The following VAV1 variants were observed in gnomAD, a reference collection of about 807,000 sequenced individuals.
VAV1 encodes proto-oncogene vav.
In VAV1, 33 loss-of-function variants were observed where a neutral mutation model predicts 128.1. The observed-to-expected ratio is 0.26, with a 90% CI of 0.20 to 0.34. VAV1 has a LOEUF of 0.34. Among genes scored for constraint, VAV1 ranks in the 10% least tolerant of loss-of-function variants. VAV1 has a pLI of 1.00. For synonymous variants in VAV1, 394 were observed against 409.8 expected, an observed-to-expected ratio of 0.96 and a Z score of 0.47; for missense variants, 715 against 1,093.7, an observed-to-expected ratio of 0.65 and a Z score of 4.88.
chr19:6,821,881 C>G (rs375611572), intron 4 of VAV1, 22 bp downstream of exon 4: 1 of 1,613,978 alleles, frequency 6.2e-7, no homozygotes, highest in Non-Finnish European at 8.5e-7. Flanking sequence ...GGCCTGTGGC[C>G]GCACAGCTCA....
rs1385651630 is a variant in VAV1 at position 6,833,290 on chromosome 19, G to T, written c.1610+5G>T. 1.2e-6 allele frequency: 2 copies of T among 1,606,738 alleles called. No homozygotes were observed. The highest frequency in any genetic ancestry group is 1.7e-6 in the Non-Finnish European group (2 of 1,177,518). On this transcript the variant is annotated splice_donor_5th_base_variant and intron_variant, in intron 16 of 26. Coordinates refer to ENST00000602142, the MANE Select transcript of VAV1 (RefSeq NM_005428.4). Reference sequence around the variant, plus strand: ...GGCCTGTCAGATGCTGCTTAGGTGAGAATCTGGGAGGAGGGTCCTGCATAC... The same window carrying T: ...GGCCTGTCAGATGCTGCTTAGGTGATAATCTGGGAGGAGGGTCCTGCATAC...
intron 1 of VAV1, among the ~76,000 whole-genome samples, chr19:6,804,218 GCTTAGCCTGTGAGGCTT>G (rs993486111): frequency 9.3e-5 from 14 of 151,216 alleles, no homozygotes; most frequent in African/African-American, 3.4e-4. Flanking sequence ...CCAAAGTGGG[GCTTAGCCTGTGAGGCTT>G]CTTGGTTTCA....
chr19:6,833,366 C>T, intron 16 of VAV1, 81 bp downstream of exon 16: 3 of 1,467,138 alleles, frequency 2.0e-6, no homozygotes, highest in Non-Finnish European at 2.8e-6. Flanking sequence ...GTAATTGGTT[C>T]CCTAAATTGG....
Position 6,772,933 on chromosome 19 carries a change from T to C in VAV1, c.126T>C (p.Leu42=), listed in dbSNP as rs758201706. ...ELAQALRDGV[L]LCQLLNNLLP... ...CCCAGGCCCTCCGGGATGGTGTCCT[T>C]CTGTGTCAGCTGCTTAACAACCTGC... The change falls in exon 1 of 27, where the codon CTT becomes CTC. Residue 42 remains leucine, a synonymous_variant. Transcript: ENST00000602142. The surrounding 1 kb of genome is among the most constrained non-coding windows in gnomAD (Gnocchi z 4.8). 1.2e-6 allele frequency: 2 copies of C among 1,614,122 alleles called. No homozygotes were observed. Among genetic ancestry groups the C allele is most frequent in the South Asian group, 2.2e-5 (2 of 91,086 alleles).
chr19:6,803,948 A>G (rs1971328087), intron 1 of VAV1, among the ~76,000 whole-genome samples: 1 of 152,140 alleles, frequency 6.6e-6, no homozygotes, highest in African/African-American at 2.4e-5. Flanking sequence ...CCCCAAATGC[A>G]TATTACTAAG....
intron 21 of VAV1, among the ~76,000 whole-genome samples, chr19:6,840,226 T>C (rs2144807775): frequency 6.6e-6 from 1 of 152,326 alleles, no homozygotes; most frequent in East Asian, 1.9e-4. Context: ...GTATTTGTCC[T>C]TTGTGTCTAG....
At position 6,825,049 on chromosome 19, in the gene VAV1, G is replaced by T; in HGVS notation, c.655-4G>T. On this transcript the variant is annotated splice_region_variant and splice_polypyrimidine_tract_variant and intron_variant, in intron 6 of 26. Coordinates refer to ENST00000602142, the MANE Select transcript of VAV1 (RefSeq NM_005428.4). The stretch of plus-strand genomic sequence containing the variant: ...TCCGTCATCTTTCTCTCCCTTCCCC[G>T]CAGCATTTCTTGAAGCCCCTGCAAC... The T allele has an allele frequency of 1.9e-6, 3 of 1,613,762 alleles. No homozygotes were observed. The highest frequency in any genetic ancestry group is 1.7e-6 in the Non-Finnish European group (2 of 1,179,974).
chr19:6,797,370 A>G (rs903742182), intron 1 of VAV1, among the ~76,000 whole-genome samples: 9 of 152,162 alleles, frequency 5.9e-5, no homozygotes, highest in African/African-American at 1.9e-4. Flanking sequence ...ATTACAAAGA[A>G]TACAAATTTA....
At position 6,814,689 on chromosome 19, in the gene VAV1, T is replaced by TC. The variant is rs1568299302; in HGVS notation, c.205-6013_205-6012insC. Among the ~76,000 whole-genome samples, 45 of 121,670 alleles carry TC rather than the reference T, an allele frequency of 3.7e-4. 2 individuals are homozygous for TC. Among genetic ancestry groups the TC allele is most frequent in the African/African-American group, 1.6e-3 (43 of 26,194 alleles). The allele number at this position is 121,670 out of a possible 152,430, so 79.8% of individuals were successfully genotyped here. A position where few individuals can be genotyped will look rare whatever the true frequency, so the allele number is the denominator to read the frequency against. The stretch of plus-strand genomic sequence containing the variant: ...CTTCCTTCCTTTCTTTCTTTCTTTC[T>TC]TTCTTTCTTTCTTTCTTTCTTTCTT... On this transcript the variant is annotated intron_variant, in intron 1 of 26. Coordinates refer to ENST00000602142, the MANE Select transcript of VAV1 (RefSeq NM_005428.4).
rs77662590 is a variant in VAV1 at position 6,777,847 on chromosome 19, A to C, written c.204+4836A>C. On this transcript the variant is annotated intron_variant, in intron 1 of 26. Coordinates refer to ENST00000602142, the MANE Select transcript of VAV1 (RefSeq NM_005428.4). This position sits in a 1 kb window ranked among gnomAD's most constrained non-coding sequence, Gnocchi z 4.4. ...AGACAGAGCCTTGCTGTCTCCCAGG[A>C]TGGAGTGCAGTGGCATGGTCCCAAC... Among the ~76,000 whole-genome samples the C allele has an allele frequency of 0.1, 15,800 of 152,066 alleles. 1,021 individuals are homozygous for C. The highest frequency in any genetic ancestry group is 0.18 in the African/African-American group (7,386 of 41,452).
intron 21 of VAV1, among the ~76,000 whole-genome samples, chr19:6,839,667 A>C (rs149240889): frequency 4.9e-4 from 75 of 152,256 alleles, no homozygotes; most frequent in African/African-American, 1.7e-3. Flanking sequence ...GATTATGGCA[A>C]AATATATAGA....
chr19:6,817,928 C>T (rs576174314), intron 1 of VAV1, among the ~76,000 whole-genome samples: 21 of 152,176 alleles, frequency 1.4e-4, no homozygotes, highest in South Asian at 4.2e-4. Flanking sequence ...CCTCGTGATC[C>T]GCCCGCCTCG....
intron 1 of VAV1, among the ~76,000 whole-genome samples, chr19:6,775,236 T>C (rs1478248689): frequency 6.6e-6 from 1 of 152,212 alleles, no homozygotes; most frequent in African/African-American, 2.4e-5. Context: ...GAGGAAGTAG[T>C]CATGGGATCT....
chr19:6,783,189 AAAAC>A (rs1234069594), intron 1 of VAV1, among the ~76,000 whole-genome samples: 2 of 152,254 alleles, frequency 1.3e-5, no homozygotes, highest in Non-Finnish European at 2.9e-5. Flanking sequence ...AAAAAAAACA[AAAAC>A]AAAAACAAAC....
At position 6,828,991 on chromosome 19, in the gene VAV1, A is replaced by T; in HGVS notation, c.1265+91A>T. ...GGGCAGGTGGGTGGAGTCAACACAG[A>T]TCTGGGTGGAGCCTGGGCAGGGGCG... On this transcript the variant is annotated intron_variant, in intron 13 of 26. Coordinates refer to ENST00000602142, the MANE Select transcript of VAV1 (RefSeq NM_005428.4). This position sits in a 1 kb window ranked among gnomAD's most constrained non-coding sequence, Gnocchi z 4.5. 5 of 1,461,892 alleles carry T rather than the reference A, an allele frequency of 3.4e-6. No individual in the cohort carries two copies. The highest frequency in any genetic ancestry group is 4.7e-6 in the Non-Finnish European group (5 of 1,058,576). The allele number at this position is 1,461,892 out of a possible 1,614,324, so 90.6% of individuals were successfully genotyped here.
At chr19:6,833,316 CG>C in intron 16 of VAV1, 31 bp downstream of exon 16, 1 of 1,581,574 alleles carries the variant, frequency 6.3e-7, no homozygotes, top group Non-Finnish European at 8.6e-7. Context: ...TCCTGCATAC[CG>C]GACTTGGTCA....
intron 21 of VAV1, among the ~76,000 whole-genome samples, chr19:6,840,856 T>C (rs1972357290): frequency 6.6e-6 from 1 of 151,914 alleles, no homozygotes; most frequent in South Asian, 2.1e-4. Context: ...CTCGGCCCAC[T>C]GCAACCTCAG....
chr19:6,834,230 C>A (rs1972163702), intron 19 of VAV1, among the ~76,000 whole-genome samples: 1 of 151,580 alleles, frequency 6.6e-6, no homozygotes, highest in Non-Finnish European at 1.5e-5. Flanking sequence ...ACAGTATGTG[C>A]TTATTTTAAT....
chr19:6,831,809 T>C (rs1312253822), intron 14 of VAV1, among the ~76,000 whole-genome samples: 1 of 152,068 alleles, frequency 6.6e-6, no homozygotes, highest in East Asian at 1.9e-4. Flanking sequence ...GAAAAATCGA[T>C]GATGAGTGAC....
Sources: gnomAD v4.1 joint callset for allele counts (sites outside exome capture counted in the v4.1 genomes callset) on GRCh38, gnomAD v4.1.1 for gene constraint, Gnocchi (gnomAD v3.1) non-coding constraint, MANE v1.5 for transcripts, NCBI Gene and HGNC (gene_info 2026-07-23, HGNC 2026-07-21) for gene names.